CADPS2: variants seen among roughly 807,000 people sequenced by gnomAD.
CADPS2 encodes the protein calcium dependent secretion activator 2.
A neutral mutation model predicts 172.5 loss-of-function variants in CADPS2; 93 were observed. That is an observed-to-expected ratio of 0.54 (90% confidence interval 0.46 to 0.64). CADPS2 has a LOEUF of 0.64. CADPS2 is among the 30% of genes least tolerant of loss of function. The probability of loss-of-function intolerance (pLI) is 0.00; values close to 1 mark genes in which losing one functional copy is unlikely to be tolerated. For missense variants in CADPS2, 1,420 were observed against 1,565.9 expected, an observed-to-expected ratio of 0.91 and a Z score of 1.57; for synonymous variants, 546 against 555.2, an observed-to-expected ratio of 0.98 and a Z score of 0.23.
chr7:122,544,061 A>G (rs1274314704), intron 8 of CADPS2, among the ~76,000 whole-genome samples: 1 of 152,168 alleles, frequency 6.6e-6, no homozygotes, highest in Non-Finnish European at 1.5e-5. Context: ...TTACGAGCTC[A>G]GCAGTTCCAC....
intron 2 of CADPS2, among the ~76,000 whole-genome samples, chr7:122,664,073 A>T (rs1053927041): frequency 1.8e-4 from 27 of 151,824 alleles, no homozygotes; most frequent in Non-Finnish European, 2.4e-4. Flanking sequence ...GCAAAAAAAA[A>T]AAAAAAAAAA....
At chr7:122,468,774 T>C (rs549026709) in intron 14 of CADPS2, among the ~76,000 whole-genome samples, 97 of 152,316 alleles carry the variant, frequency 6.4e-4, no homozygotes, top group Non-Finnish European at 1.2e-3. Context: ...CAGCATAGTA[T>C]TTCTGAATGA....
At chr7:122,525,503 G>A (rs2061156841) in intron 8 of CADPS2, among the ~76,000 whole-genome samples, 1 of 152,108 alleles carries the variant, frequency 6.6e-6, no homozygotes, top group South Asian at 2.1e-4. Context: ...AAGGCTGGAG[G>A]AACTGAGCAG....
intron 11 of CADPS2, among the ~76,000 whole-genome samples, chr7:122,487,265 C>T (rs1256561801): frequency 6.6e-6 from 1 of 152,042 alleles, no homozygotes; most frequent in African/African-American, 2.4e-5. Context: ...CCCACCTCGA[C>T]CTCCCAAAGT....
chr7:122,665,032 T>C (rs2081043732), intron 2 of CADPS2, among the ~76,000 whole-genome samples: 1 of 151,006 alleles, frequency 6.6e-6, no homozygotes, highest in Non-Finnish European at 1.5e-5. Flanking sequence ...ACTCCTAGGC[T>C]CAGGCAATCC....
At chr7:122,669,170 A>G (rs1042224884) in intron 2 of CADPS2, among the ~76,000 whole-genome samples, 4 of 151,978 alleles carry the variant, frequency 2.6e-5, no homozygotes, top group African/African-American at 9.7e-5. Context: ...GCTCTACCAA[A>G]AATACAAAAA....
chr7:122,497,238 A>T (rs905012943), intron 9 of CADPS2, among the ~76,000 whole-genome samples: 1 of 152,132 alleles, frequency 6.6e-6, no homozygotes, highest in Non-Finnish European at 1.5e-5. Context: ...TATGAACAAC[A>T]ACTGGGGTTT....
chr7:122,412,550 G>A (rs1489296037), intron 19 of CADPS2, among the ~76,000 whole-genome samples: 4 of 152,164 alleles, frequency 2.6e-5, no homozygotes, highest in Non-Finnish European at 2.9e-5. Flanking sequence ...AAGCAGCCCA[G>A]CAAATGAATC....
intron 6 of CADPS2, 62 bp downstream of exon 6, chr7:122,615,119 T>C: frequency 3.0e-6 from 3 of 1,004,364 alleles, no homozygotes; most frequent in Non-Finnish European, 4.5e-6. Context: ...ACAGAGCATG[T>C]TTCTTTGGGA....
At chr7:122,370,495 C>A (rs1014928904) in intron 25 of CADPS2, among the ~76,000 whole-genome samples, 4 of 152,148 alleles carry the variant, frequency 2.6e-5, no homozygotes, top group Non-Finnish European at 4.4e-5. Context: ...GATGCCAGAG[C>A]ACATTCCTTT....
chr7:122,759,235 T>C (rs1414031979), intron 1 of CADPS2, among the ~76,000 whole-genome samples: 1 of 152,078 alleles, frequency 6.6e-6, no homozygotes, highest in Non-Finnish European at 1.5e-5. Flanking sequence ...CACCTGAAAG[T>C]CAGGATCCAG....
intron 1 of CADPS2, among the ~76,000 whole-genome samples, chr7:122,826,120 A>G (rs1252346549): frequency 1.3e-5 from 2 of 152,152 alleles, no homozygotes; most frequent in African/African-American, 4.8e-5. Flanking sequence ...GGCCTAGTGG[A>G]GAGTAGCGAC....
chr7:122,669,276 A>G (rs1316673387), intron 2 of CADPS2, among the ~76,000 whole-genome samples: 3 of 151,988 alleles, frequency 2.0e-5, no homozygotes, highest in Non-Finnish European at 2.9e-5. Flanking sequence ...GGTTGTAGTG[A>G]GCCATGATCA....
intron 8 of CADPS2, among the ~76,000 whole-genome samples, chr7:122,534,470 A>G (rs2062050129): frequency 6.6e-6 from 1 of 152,098 alleles, no homozygotes; most frequent in Non-Finnish European, 1.5e-5. Flanking sequence ...AATTCACTAC[A>G]AAGTCACAGG....
chr7:122,837,462 A>T (rs1808852849), intron 1 of CADPS2, among the ~76,000 whole-genome samples: 1 of 152,154 alleles, frequency 6.6e-6, no homozygotes, highest in Admixed American at 6.5e-5. Flanking sequence ...GACACAAAAA[A>T]CCCTTCCAAA....
intron 2 of CADPS2, among the ~76,000 whole-genome samples, chr7:122,696,440 C>A (rs2085100551): frequency 6.6e-6 from 1 of 152,138 alleles, no homozygotes; most frequent in Admixed American, 6.6e-5. Flanking sequence ...TGGTCATTTG[C>A]CCAGTTTTTG....
At chr7:122,400,369 G>A (rs770640380) in intron 20 of CADPS2, among the ~76,000 whole-genome samples, 4 of 151,930 alleles carry the variant, frequency 2.6e-5, no homozygotes, top group East Asian at 1.9e-4. Context: ...TCTGGGAGGC[G>A]GAGGTTGTGG....
At chr7:122,342,660 T>C (rs1250184882) in intron 28 of CADPS2, among the ~76,000 whole-genome samples, 1 of 152,146 alleles carries the variant, frequency 6.6e-6, no homozygotes, top group Non-Finnish European at 1.5e-5. Flanking sequence ...TAAGCCCTCA[T>C]GTTGCATGAC....
At chr7:122,369,331 G>C (rs959429728) in intron 25 of CADPS2, among the ~76,000 whole-genome samples, 2 of 151,718 alleles carry the variant, frequency 1.3e-5, no homozygotes, top group Admixed American at 1.3e-4. Flanking sequence ...CGGGGTTTCA[G>C]CGTGTTAGCC....
Sources: gnomAD v4.1 joint callset for allele counts (sites outside exome capture counted in the v4.1 genomes callset) on GRCh38, gnomAD v4.1.1 for gene constraint, MANE v1.5 for transcripts, NCBI Gene and HGNC (gene_info 2026-07-23, HGNC 2026-07-21) for gene names.